Variants in CSMD3 observed in about 807,000 individuals in gnomAD.
The protein encoded by CSMD3 is CUB and Sushi multiple domains 3.
In CSMD3, 177 loss-of-function variants were observed where a neutral mutation model predicts 435.2. That is an observed-to-expected ratio of 0.41 (90% CI 0.36 to 0.46). The LOEUF is 0.46. Ranked by LOEUF, CSMD3 falls within the 20% of genes least tolerant of loss-of-function variation. CSMD3 has a pLI of 0.34. For synonymous variants in CSMD3, 1,656 were observed against 1,520.5 expected, an observed-to-expected ratio of 1.09 and a Z score of -2.07; for missense variants, 4,265 against 4,504.6, an observed-to-expected ratio of 0.95 and a Z score of 1.52.
intron 1 of CSMD3, among the ~76,000 whole-genome samples, chr8:113,392,051 T>C (rs918096711): frequency 6.6e-6 from 1 of 152,036 alleles, no homozygotes; most frequent in Non-Finnish European, 1.5e-5. Flanking sequence ...AGGAATCACA[T>C]GCTTAATGAT....
At chr8:112,827,461 C>T (rs1314000101) in intron 12 of CSMD3, among the ~76,000 whole-genome samples, 1 of 151,586 alleles carries the variant, frequency 6.6e-6, no homozygotes, top group Non-Finnish European at 1.5e-5. Flanking sequence ...TTTTAAGAAT[C>T]TGAACCTAAA....
At chr8:112,837,924 G>T (rs115494565) in intron 11 of CSMD3, among the ~76,000 whole-genome samples, 1 of 151,678 alleles carries the variant, frequency 6.6e-6, no homozygotes, top group South Asian at 2.1e-4. Context: ...CAAATACCAC[G>T]TTACACAATC....
At chr8:112,732,829 C>A (rs1045019582) in intron 13 of CSMD3, among the ~76,000 whole-genome samples, 1 of 151,804 alleles carries the variant, frequency 6.6e-6, no homozygotes, top group Non-Finnish European at 1.5e-5. Context: ...GACAGTAAAA[C>A]TTAATTGCAT....
chr8:112,244,424 T>A lies in CSMD3; in HGVS notation c.10372A>T (p.Thr3458Ser), dbSNP rs745922410. 1.9e-6 allele frequency: 3 copies of A among 1,568,682 alleles called. No individual in the cohort carries two copies. The highest frequency in any genetic ancestry group is 2.6e-6 in the Non-Finnish European group (3 of 1,158,358). ...CAAATGGGAACTTTTCCAGTCCAGG[T>A]GTTATCGGATCTACACACTCTATGT... ...TEHRVCRSDN[T>S]WTGKVPICEA... Residue 3458 changes from threonine to serine, a missense_variant, in exon 65 of 71, where the codon ACC becomes TCC. Physicochemically the swap from Thr to Ser is moderately conservative, Grantham distance 58. This residue lies in a region of CSMD3 where 3,255 missense variants were observed against 3,380.2 expected (regional missense o/e 0.96). Transcript: ENST00000297405.
intron 1 of CSMD3, among the ~76,000 whole-genome samples, chr8:113,360,114 T>G (rs1274701289): frequency 6.6e-6 from 1 of 152,200 alleles, no homozygotes; most frequent in African/African-American, 2.4e-5. Flanking sequence ...TTACTGTATA[T>G]AGTGTCTGTT....
chr8:112,902,737 A>G (rs574746085), intron 10 of CSMD3, among the ~76,000 whole-genome samples: 35 of 151,426 alleles, frequency 2.3e-4, no homozygotes, highest in Non-Finnish European at 4.4e-4. Flanking sequence ...TTAGTCTGCC[A>G]CGTGAAAACT....
chr8:112,992,335 C>G (rs1041156858), intron 6 of CSMD3, among the ~76,000 whole-genome samples: 33 of 151,178 alleles, frequency 2.2e-4, no homozygotes, highest in African/African-American at 7.3e-4. Context: ...AATGATAACA[C>G]GAAGGAAAGA....
chr8:113,306,463 C>T (rs921550004), intron 2 of CSMD3, among the ~76,000 whole-genome samples: 3 of 152,090 alleles, frequency 2.0e-5, no homozygotes, highest in African/African-American at 4.8e-5. Flanking sequence ...TAAAACTACC[C>T]TCTGGTCATT....
chr8:113,398,097 G>A (rs1213825462), intron 1 of CSMD3, among the ~76,000 whole-genome samples: 2 of 152,042 alleles, frequency 1.3e-5, no homozygotes, highest in East Asian at 3.9e-4. Context: ...TATTAATCCA[G>A]GAGTTGATAT....
chr8:112,598,280 A>C (rs993487847), intron 22 of CSMD3, among the ~76,000 whole-genome samples: 23 of 145,396 alleles, frequency 1.6e-4, no homozygotes, highest in South Asian at 8.9e-4. Context: ...TGCTTCAAAG[A>C]GAATAAAATA....
chr8:112,541,671 G>T (rs765671701), intron 27 of CSMD3, among the ~76,000 whole-genome samples: 18 of 151,668 alleles, frequency 1.2e-4, no homozygotes, highest in Non-Finnish European at 2.4e-4. Flanking sequence ...TCTACCAAAC[G>T]TTTAAATAAG....
intron 1 of CSMD3, among the ~76,000 whole-genome samples, chr8:113,434,112 C>T (rs911300902): frequency 2.0e-5 from 3 of 152,352 alleles, no homozygotes; most frequent in Middle Eastern, 3.4e-3. Flanking sequence ...TTTCCTCCCA[C>T]TAAGCCTCTT....
chr8:112,718,546 A>G (rs1000165490), intron 13 of CSMD3, among the ~76,000 whole-genome samples: 2 of 150,264 alleles, frequency 1.3e-5, no homozygotes, highest in African/African-American at 4.9e-5. Context: ...TGCATAAAGG[A>G]TGATAGTAAT....
intron 3 of CSMD3, among the ~76,000 whole-genome samples, chr8:113,178,468 G>C (rs1458938202): frequency 3.3e-5 from 5 of 151,884 alleles, no homozygotes; most frequent in African/African-American, 9.7e-5. Context: ...GGTAGACATG[G>C]AGTTTATGAT....
At chr8:112,521,047 T>A (rs2131012221) in intron 27 of CSMD3, among the ~76,000 whole-genome samples, 1 of 152,150 alleles carries the variant, frequency 6.6e-6, no homozygotes, top group South Asian at 2.1e-4. Context: ...GACTTACTCC[T>A]AAATGTTCTT....
intron 4 of CSMD3, among the ~76,000 whole-genome samples, chr8:113,126,707 C>T (rs553972336): frequency 3.3e-5 from 5 of 151,938 alleles, no homozygotes; most frequent in African/African-American, 1.2e-4. Flanking sequence ...GGCTATACCA[C>T]TCCTTTTTTA....
intron 11 of CSMD3, among the ~76,000 whole-genome samples, chr8:112,845,601 T>C (rs1230045325): frequency 2.0e-5 from 3 of 152,056 alleles, no homozygotes; most frequent in African/African-American, 7.2e-5. Context: ...TGGCTTCCTC[T>C]ATAAAGCTAT....
chr8:112,961,772 A>G (rs2084238695), intron 7 of CSMD3, among the ~76,000 whole-genome samples: 1 of 152,072 alleles, frequency 6.6e-6, no homozygotes, highest in African/African-American at 2.4e-5. Flanking sequence ...AAGACTCTAA[A>G]ATTTGTATAT....
In CSMD3 at chr8:112,893,481, T is replaced by C. The variant is rs544184222; in HGVS notation, c.1633+28146A>G. On this transcript the variant is annotated intron_variant, in intron 10 of 70. Transcript: ENST00000297405. ...GATATCAGTATTTTTAAAAACTCAT[T>C]GTTCTAAAGTACAGCCACCATTGAG... is the stretch of plus-strand genomic sequence containing the variant. 2.0e-5 allele frequency among the ~76,000 whole-genome samples: 3 copies of C among 151,586 alleles called. No individual in the cohort carries two copies. The South Asian group carries it at 6.2e-4, about 31-fold the overall frequency.
Sources: allele counts gnomAD v4.1 joint callset (sites outside exome capture counted in the v4.1 genomes callset), GRCh38; gene constraint gnomAD v4.1.1; regional missense constraint gnomAD v4.1.1; transcripts MANE v1.5; gene names NCBI Gene and HGNC (gene_info 2026-07-23, HGNC 2026-07-21).